The following KLF8 variants were observed in gnomAD, a reference collection of about 807,000 sequenced individuals.
KLF8 encodes KLF transcription factor 8.
KLF8 carries 10 observed loss-of-function variants against 18.2 expected under a neutral mutation model. That is an observed-to-expected ratio of 0.55 (90% CI 0.34 to 0.93). The LOEUF is 0.93. KLF8 is among the 40% of genes least tolerant of loss of function. KLF8 has a pLI of 0.02. For missense variants in KLF8, 264 were observed against 277.9 expected, an observed-to-expected ratio of 0.95 and a Z score of 0.36; for synonymous variants, 109 against 97.3, an observed-to-expected ratio of 1.12 and a Z score of -0.71.
In KLF8 at chrX:56,284,792, A is replaced by G. The variant is rs111707170; in HGVS notation, c.*298A>G. Reference sequence around the variant, plus strand: ...TGCTCTGAAATAGGACATTTTTCCTACAGTAACAAAACAGGAATCAAACTC... The same window carrying G: ...TGCTCTGAAATAGGACATTTTTCCTGCAGTAACAAAACAGGAATCAAACTC... On this transcript the variant is annotated 3_prime_UTR_variant, in exon 6 of 6. Coordinates refer to ENST00000468660, the MANE Select transcript of KLF8 (RefSeq NM_007250.5). 4.2e-6 allele frequency: 1 copy of G among 239,866 alleles called. No homozygotes were observed. The highest frequency in any genetic ancestry group is 6.5e-5 in the East Asian group (1 of 15,383). The allele number at this position is 239,866 out of a possible 1,213,427, so 19.8% of individuals were successfully genotyped here. A position where few individuals can be genotyped will look rare whatever the true frequency, so the allele number is the denominator to read the frequency against.
the KLF8 span, among the ~76,000 whole-genome samples, chrX:56,025,563 C>T: frequency 3.6e-5 from 4 of 111,865 alleles, no homozygotes; most frequent in African/African-American, 9.7e-5. Context: ...AACTCTTTTC[C>T]CAATCTAGAG....
the KLF8 span, among the ~76,000 whole-genome samples, chrX:55,925,753 G>C: frequency 2.7e-5 from 3 of 111,833 alleles, no homozygotes; most frequent in Non-Finnish European, 5.6e-5. Context: ...ATTTTATCAA[G>C]GGCAGAAAGG....
the KLF8 span, among the ~76,000 whole-genome samples, chrX:55,938,489 A>G: frequency 1.8e-5 from 2 of 111,610 alleles, no homozygotes; most frequent in African/African-American, 6.5e-5. Context: ...TAACCAGCTA[A>G]CATCATAATG....
At chrX:56,136,083 G>T in the KLF8 span, among the ~76,000 whole-genome samples, 1 of 110,977 alleles carries the variant, frequency 9.0e-6, no homozygotes, top group Non-Finnish European at 1.9e-5. Context: ...ACAAACCACT[G>T]CTCAAGGAAA....
At chrX:56,227,940 AAAGATAGCAGCC>A (rs2066380303), upstream of KLF8, among the ~76,000 whole-genome samples, 1 of 109,330 alleles carries the variant, frequency 9.1e-6, no homozygotes, top group South Asian at 4.1e-4. Flanking sequence ...CCTTGCTCAT[AAAGATAGCAGCC>A]TGAGGCACAA....
At chrX:56,092,895 A>G in the KLF8 span, among the ~76,000 whole-genome samples, 1 of 110,279 alleles carries the variant, frequency 9.1e-6, no homozygotes, top group South Asian at 3.8e-4. Flanking sequence ...TCCAGCAGAA[A>G]TGACATATGC....
the KLF8 span, among the ~76,000 whole-genome samples, chrX:56,016,203 C>T: frequency 2.4e-4 from 27 of 111,753 alleles, no homozygotes; most frequent in Admixed American, 7.6e-4. Flanking sequence ...GCTGGCACAA[C>T]GCTAGCTTCT....
chrX:55,946,535 A>G, the KLF8 span, among the ~76,000 whole-genome samples: 1 of 111,948 alleles, frequency 8.9e-6, no homozygotes, highest in South Asian at 3.7e-4. Flanking sequence ...TAAAAACCCT[A>G]GAAGAAAACC....
At chrX:56,237,263 T>TA (rs1265678951) in intron 1 of KLF8, among the ~76,000 whole-genome samples, 1 of 108,038 alleles carries the variant, frequency 9.3e-6, no homozygotes, top group African/African-American at 3.4e-5. Flanking sequence ...TATATAATAT[T>TA]AGTATATATG....
At chrX:56,171,713 T>C in the KLF8 span, among the ~76,000 whole-genome samples, 3 of 111,929 alleles carry the variant, frequency 2.7e-5, no homozygotes, top group Non-Finnish European at 5.6e-5. Flanking sequence ...CATCCTTTTT[T>C]ATGGCTGCAT....
chrX:55,959,962 A>T, the KLF8 span, among the ~76,000 whole-genome samples: 2 of 111,498 alleles, frequency 1.8e-5, no homozygotes, highest in African/African-American at 6.5e-5. Flanking sequence ...TCCAGTTAAC[A>T]TGAAAGAAAA....
chrX:56,219,992 C>T, the KLF8 span, among the ~76,000 whole-genome samples: 1 of 112,021 alleles, frequency 8.9e-6, no homozygotes, highest in African/African-American at 3.2e-5. Context: ...GGAATCTCAA[C>T]GTTGTACTGA....
chrX:56,048,738 C>A, the KLF8 span, among the ~76,000 whole-genome samples: 9 of 111,629 alleles, frequency 8.1e-5, no homozygotes, highest in Non-Finnish European at 1.1e-4. Context: ...TTAGGATTGA[C>A]GTGGCAATGC....
intron 1 of KLF8, among the ~76,000 whole-genome samples, chrX:56,242,716 G>A (rs774936273): frequency 4.7e-4 from 52 of 111,118 alleles, no homozygotes; most frequent in African/African-American, 6.6e-4. Context: ...TGTCACTGTC[G>A]TTCATACATG....
the KLF8 span, among the ~76,000 whole-genome samples, chrX:55,959,520 A>G: frequency 0.22 from 24,166 of 111,337 alleles, 5,433 homozygotes; most frequent in African/African-American, 0.69. Context: ...AAATGGTCCA[A>G]GAGTTGAAAG....
At chrX:55,973,311 A>G in the KLF8 span, among the ~76,000 whole-genome samples, 111 of 112,014 alleles carry the variant, frequency 9.9e-4, no homozygotes, top group African/African-American at 3.5e-3. Flanking sequence ...ATTTCATGTC[A>G]AAGACTCCAA....
the KLF8 span, among the ~76,000 whole-genome samples, chrX:56,183,768 G>A: frequency 2.9e-4 from 33 of 111,953 alleles, no homozygotes; most frequent in Non-Finnish European, 5.6e-4. Flanking sequence ...GAGAACAAAT[G>A]ACAAAATGGC....
chrX:56,046,350 G>A, the KLF8 span, among the ~76,000 whole-genome samples: 4 of 110,955 alleles, frequency 3.6e-5, no homozygotes, highest in South Asian at 1.5e-3. Flanking sequence ...TTAGGATTAG[G>A]GTGATACTAC....
At chrX:56,255,357 C>T (rs1182489663) in intron 2 of KLF8, among the ~76,000 whole-genome samples, 2 of 112,122 alleles carry the variant, frequency 1.8e-5, no homozygotes, top group South Asian at 3.7e-4. Context: ...CATCTGCAAA[C>T]AAAAATAATT....
Sources: gnomAD v4.1 joint callset for allele counts (sites outside exome capture counted in the v4.1 genomes callset) on GRCh38, gnomAD v4.1.1 for gene constraint, MANE v1.5 for transcripts, NCBI Gene and HGNC (gene_info 2026-07-23, HGNC 2026-07-21) for gene names.